Variants in SESTD1 observed in about 807,000 individuals in gnomAD.
SESTD1 encodes the protein SEC14 domain and spectrin repeat-containing protein 1.
A neutral mutation model predicts 101.7 loss-of-function variants in SESTD1; 43 were observed. The ratio of observed to expected loss-of-function variants is 0.42; its 90% confidence interval spans 0.33 to 0.55. The LOEUF is 0.55. SESTD1 is among the 20% of genes least tolerant of loss of function. SESTD1 has a pLI of 0.07. For synonymous variants in SESTD1, 283 were observed against 286.8 expected (o/e 0.99, Z 0.13); for missense variants, 647 against 815.1 (o/e 0.79, Z 2.51).
intron 9 of SESTD1, among the ~76,000 whole-genome samples, chr2:179,139,212 C>G (rs2045222956): frequency 6.6e-6 from 1 of 152,108 alleles, no homozygotes; most frequent in Non-Finnish European, 1.5e-5. Context: ...AATGTTTAAT[C>G]ACCTCCACTC....
At chr2:179,137,474 T>C (rs1202879317) in intron 9 of SESTD1, among the ~76,000 whole-genome samples, 1 of 152,190 alleles carries the variant, frequency 6.6e-6, no homozygotes, top group Non-Finnish European at 1.5e-5. Flanking sequence ...GATTCCTCTC[T>C]ACAGAGGAAG....
At chr2:179,139,563 C>T (rs1339012508) in intron 9 of SESTD1, among the ~76,000 whole-genome samples, 2 of 152,084 alleles carry the variant, frequency 1.3e-5, no homozygotes, top group South Asian at 4.1e-4. Context: ...ATTATAGTTC[C>T]CCTTAACTGT....
chr2:179,141,743 T>C (rs1200387847), intron 9 of SESTD1, among the ~76,000 whole-genome samples: 3 of 146,126 alleles, frequency 2.1e-5, no homozygotes, highest in African/African-American at 5.2e-5. Flanking sequence ...TAGAAGAGGG[T>C]AGATTCAGAT....
chr2:179,150,989 T>C (rs886843632), intron 6 of SESTD1, among the ~76,000 whole-genome samples: 9 of 152,178 alleles, frequency 5.9e-5, no homozygotes, highest in African/African-American at 2.2e-4. Flanking sequence ...ATTTTACCCA[T>C]AATCACACAA....
intron 13 of SESTD1, among the ~76,000 whole-genome samples, chr2:179,121,499 A>C (rs2044749193): frequency 1.3e-5 from 2 of 152,162 alleles, no homozygotes; most frequent in South Asian, 4.1e-4. Context: ...GAAGAGTCAT[A>C]GACTACACTG....
chr2:179,176,279 A>G (rs937265376), intron 4 of SESTD1, among the ~76,000 whole-genome samples, 169 bp downstream of exon 4: 1 of 152,196 alleles, frequency 6.6e-6, no homozygotes, highest in Non-Finnish European at 1.5e-5. Context: ...TTAAATTCAA[A>G]CCTAAGGAGT....
intron 1 of SESTD1, among the ~76,000 whole-genome samples, chr2:179,230,654 A>T (rs2046974269): frequency 6.6e-6 from 1 of 152,148 alleles, no homozygotes; most frequent in Non-Finnish European, 1.5e-5. Flanking sequence ...GGTAAAAAAA[A>T]TAATCACAGG....
chr2:179,141,171 C>T (rs1270719782), intron 9 of SESTD1, among the ~76,000 whole-genome samples: 2 of 152,186 alleles, frequency 1.3e-5, no homozygotes, highest in Middle Eastern at 3.2e-3. Context: ...GTCACAGTCA[C>T]CTCAAACTTA....
chr2:179,118,268 T>C lies in SESTD1; in HGVS notation c.1443-655A>G, dbSNP rs539411511. Among the ~76,000 whole-genome samples the C allele has an allele frequency of 2.0e-5, 3 of 152,342 alleles. No individual in the cohort carries two copies. In the East Asian group the frequency reaches 5.8e-4, roughly 29 times the overall value. Reference sequence around the variant, plus strand: ...GGAGGGCTTAAAAAAACAAAAAAACTCTACTGACCTCTGGGTGTAGAGAAA... The same window carrying C: ...GGAGGGCTTAAAAAAACAAAAAAACCCTACTGACCTCTGGGTGTAGAGAAA... On this transcript the variant is annotated intron_variant, in intron 13 of 17. Transcript: ENST00000428443.
chr2:179,154,285 G>T (rs1231446287), intron 5 of SESTD1, among the ~76,000 whole-genome samples: 1 of 147,460 alleles, frequency 6.8e-6, no homozygotes, highest in Non-Finnish European at 1.5e-5. Context: ...AAGGAAGGGA[G>T]GAAGGAAGGA....
At chr2:179,167,084 G>A (rs1192508020) in intron 5 of SESTD1, among the ~76,000 whole-genome samples, 2 of 152,210 alleles carry the variant, frequency 1.3e-5, no homozygotes, top group Admixed American at 1.3e-4. Context: ...AGTGGAGTAA[G>A]ACAGATGCAG....
chr2:179,103,935 AAAT>A lies in SESTD1; in HGVS notation c.*5961_*5963del, dbSNP rs1277999184. ...AATGATATGCAATTTAAAATGCATC[AAAT>A]AATAATATGAAATGATGAATGGATA... is the stretch of plus-strand genomic sequence containing the variant. On this transcript the variant is annotated 3_prime_UTR_variant, in exon 18 of 18. Coordinates refer to ENST00000428443, the MANE Select transcript of SESTD1 (RefSeq NM_178123.5). The A allele has an allele frequency of 6.6e-6, 1 of 152,212 alleles. No individual in the cohort carries two copies. The highest frequency in any genetic ancestry group is 6.6e-5 in the Admixed American group (1 of 15,266). The allele number at this position is 152,212 out of a possible 1,614,324, so 9.4% of individuals were successfully genotyped here.
rs2045947782 is a variant in SESTD1, at chr2:179,172,700, T to G, written c.256-467A>C. Among the ~76,000 whole-genome samples the G allele has an allele frequency of 1.3e-5, 2 of 152,190 alleles. 1 individual carries two copies. The highest frequency in any genetic ancestry group is 4.1e-4 in the South Asian group (2 of 4,828). ...ATGAGACCAAGATTTTACATGATTATTAACTTGAAGAAGAGGACAAAAAGC... is the reference window on the plus strand; with the variant it reads ...ATGAGACCAAGATTTTACATGATTAGTAACTTGAAGAAGAGGACAAAAAGC... On this transcript the variant is annotated intron_variant, in intron 4 of 17. Transcript: ENST00000428443.
intron 7 of SESTD1, 27 bp downstream of exon 7, chr2:179,149,270 T>C: frequency 6.7e-7 from 1 of 1,495,528 alleles, no homozygotes; most frequent in African/African-American, 1.4e-5. Flanking sequence ...TTTGCAAGGA[T>C]ATAATTGCAT....
At chr2:179,176,282 T>C (rs1056863557) in intron 4 of SESTD1, among the ~76,000 whole-genome samples, 166 bp downstream of exon 4, 4 of 152,170 alleles carry the variant, frequency 2.6e-5, no homozygotes, top group African/African-American at 9.7e-5. Context: ...AATTCAAACC[T>C]AAGGAGTTGA....
intron 1 of SESTD1, among the ~76,000 whole-genome samples, chr2:179,257,103 A>C (rs1296362756): frequency 6.6e-6 from 1 of 151,860 alleles, no homozygotes; most frequent in East Asian, 1.9e-4. Flanking sequence ...GGCATACTTC[A>C]CTGGTGGGTT....
intron 16 of SESTD1, among the ~76,000 whole-genome samples, chr2:179,113,226 T>C (rs2154393687): frequency 1.3e-5 from 2 of 152,326 alleles, no homozygotes; most frequent in South Asian, 4.1e-4. Flanking sequence ...TTTATGTTTA[T>C]GTAGCAGTCT....
rs138750968 is a variant in SESTD1, at chr2:179,227,402, A to G, written c.-25-35536T>C. 4.3e-3 allele frequency among the ~76,000 whole-genome samples: 660 copies of G among 152,306 alleles called. 8 individuals carry two copies. The highest frequency in any genetic ancestry group is 0.015 in the African/African-American group (627 of 41,564). ...CCTCTCACTTGGCAGATTATCTGATACCATCCACAAAAGAAGCACAGAGAA... is the reference window on the plus strand; with the variant it reads ...CCTCTCACTTGGCAGATTATCTGATGCCATCCACAAAAGAAGCACAGAGAA... On this transcript the variant is annotated intron_variant, in intron 1 of 17. Transcript: ENST00000428443.
intron 14 of SESTD1, 109 bp from the exon 15 acceptor site, chr2:179,116,899 TATAACCTAA>T: frequency 7.1e-7 from 1 of 1,399,072 alleles, no homozygotes; most frequent in African/African-American, 1.4e-5. Flanking sequence ...ATCCGTTAAT[TATAACCTAA>T]AGTCTTAAAA....
Sources: gnomAD v4.1 joint callset for allele counts (sites outside exome capture counted in the v4.1 genomes callset) on GRCh38, gnomAD v4.1.1 for gene constraint, MANE v1.5 for transcripts, NCBI Gene and HGNC (gene_info 2026-07-23, HGNC 2026-07-21) for gene names.